Variants in THSD7B observed in about 807,000 individuals in gnomAD.
THSD7B encodes the protein thrombospondin type-1 domain-containing protein 7B.
A neutral mutation model predicts 213.6 loss-of-function variants in THSD7B; 138 were observed. The observed-to-expected ratio is 0.65, with a 90% CI of 0.56 to 0.74. THSD7B has a LOEUF of 0.74. THSD7B is among the 30% of genes least tolerant of loss of function. The probability of loss-of-function intolerance (pLI) is 0.00; values close to 1 mark genes in which losing one functional copy is unlikely to be tolerated. For synonymous variants in THSD7B, 742 were observed against 687.0 expected (o/e 1.08, Z -1.25); for missense variants, 1,931 against 1,991.5 (o/e 0.97, Z 0.58).
intron 12 of THSD7B, among the ~76,000 whole-genome samples, chr2:137,345,594 T>TGA (rs146683144): frequency 6.8e-6 from 1 of 146,872 alleles, no homozygotes; most frequent in Non-Finnish European, 1.5e-5. Context: ...AAACTAAGAG[T>TGA]GAGAGAGAGA....
chr2:137,673,744 A>G (rs1573781029), intron 27 of THSD7B, among the ~76,000 whole-genome samples: 1 of 152,132 alleles, frequency 6.6e-6, no homozygotes, highest in Non-Finnish European at 1.5e-5. Flanking sequence ...CTAAGCTGCT[A>G]TTCGGCAAAG....
intron 3 of THSD7B, among the ~76,000 whole-genome samples, chr2:137,066,171 T>G (rs1280042268): frequency 1.3e-5 from 2 of 151,152 alleles, no homozygotes; most frequent in East Asian, 1.9e-4. Flanking sequence ...ATGTAGAATT[T>G]AGGTTGATGA....
chr2:137,102,659 C>G (rs186824883), intron 4 of THSD7B, among the ~76,000 whole-genome samples: 1 of 152,232 alleles, frequency 6.6e-6, no homozygotes, highest in East Asian at 1.9e-4. Flanking sequence ...AGGAATCTCA[C>G]TAACTAGAAT....
chr2:136,922,428 T>C (rs963232787), intron 2 of THSD7B, among the ~76,000 whole-genome samples: 1 of 152,224 alleles, frequency 6.6e-6, no homozygotes, highest in Non-Finnish European at 1.5e-5. Flanking sequence ...AGGAGGTGTG[T>C]TTCATAAAAC....
chr2:137,024,934 A>G (rs957460976), intron 2 of THSD7B, among the ~76,000 whole-genome samples: 6 of 152,126 alleles, frequency 3.9e-5, no homozygotes, highest in African/African-American at 1.2e-4. Flanking sequence ...CTATCCTTCT[A>G]TGCCAGAGGG....
chr2:136,779,811 C>A (rs1681705824), intron 1 of THSD7B, among the ~76,000 whole-genome samples: 2 of 152,056 alleles, frequency 1.3e-5, no homozygotes, highest in South Asian at 4.1e-4. Context: ...CTACAATAAG[C>A]CTATGAAAAA....
At chr2:137,265,554 G>A (rs1214344939) in intron 10 of THSD7B, among the ~76,000 whole-genome samples, 1 of 152,140 alleles carries the variant, frequency 6.6e-6, no homozygotes, top group Non-Finnish European at 1.5e-5. Context: ...GCAAAGACTT[G>A]GAACCAACCC....
chr2:137,386,497 C>T (rs1398771498), intron 12 of THSD7B, among the ~76,000 whole-genome samples: 1 of 152,086 alleles, frequency 6.6e-6, no homozygotes, highest in Non-Finnish European at 1.5e-5. Context: ...AGAAAGTCAC[C>T]CCCATTTCCT....
At chr2:137,648,713 A>G (rs983278293) in intron 21 of THSD7B, among the ~76,000 whole-genome samples, 1 of 152,024 alleles carries the variant, frequency 6.6e-6, no homozygotes, top group Non-Finnish European at 1.5e-5. Flanking sequence ...TCTTCAATTT[A>G]TTGATCTCTT....
chr2:137,237,113 C>CAAAA (rs70978209), intron 9 of THSD7B, among the ~76,000 whole-genome samples: 12 of 109,544 alleles, frequency 1.1e-4, no homozygotes, highest in Non-Finnish European at 1.1e-4. Context: ...AACTCCGTCT[C>CAAAA]AAAAAAAAAA....
In THSD7B at chr2:137,101,441, A is replaced by C. The variant is rs191311653; in HGVS notation, c.1199+6320A>C. ...AACAGATTCTCTAAGGAAGCTTTTCAAAAATTGTTTAAGAAGCTTTTCTGC... is the reference window on the plus strand; with the variant it reads ...AACAGATTCTCTAAGGAAGCTTTTCCAAAATTGTTTAAGAAGCTTTTCTGC... On this transcript the variant is annotated intron_variant, in intron 4 of 27. Transcript: ENST00000409968. Among the ~76,000 whole-genome samples the C allele has an allele frequency of 1.2e-4, 19 of 152,356 alleles. 1 individual carries two copies. Among genetic ancestry groups the C allele is most frequent in the South Asian group, 8.3e-4 (4 of 4,832 alleles).
intron 15 of THSD7B, among the ~76,000 whole-genome samples, chr2:137,485,700 C>G (rs561210976): frequency 6.6e-6 from 1 of 152,264 alleles, no homozygotes; most frequent in South Asian, 2.1e-4. Context: ...TTGTCAGATT[C>G]ACCAAAGTTG....
chr2:137,667,799 TG>T lies in THSD7B; in HGVS notation c.4679del (p.Gly1560AlafsTer10). 6.2e-7 allele frequency: 1 copy of T among 1,606,680 alleles called. No individual in the cohort carries two copies. Among genetic ancestry groups the T allele is most frequent in the South Asian group, 1.1e-5 (1 of 89,536 alleles). On this transcript the variant is annotated frameshift_variant, in exon 27 of 28. Transcript: ENST00000409968. LOFTEE classifies it high-confidence loss of function. Reference sequence around the variant, plus strand: ...ATGGCCGAGTAAAAATTTGGGTTTATGGCGTTTCAGGTGGCGCTTTTCTCAT... The same window carrying T: ...ATGGCCGAGTAAAAATTTGGGTTTATGCGTTTCAGGTGGCGCTTTTCTCAT... ...PDGRVKIWVY[G>X]VSGGAFLIMI... is the part of the protein sequence containing the mutation.
chr2:137,491,532 C>T (rs553808796), intron 15 of THSD7B, among the ~76,000 whole-genome samples: 95 of 152,166 alleles, frequency 6.2e-4, no homozygotes, highest in African/African-American at 2.1e-3. Flanking sequence ...CTTTTACTCC[C>T]TTCATCTCAA....
At chr2:136,985,433 A>G (rs1685654377) in intron 2 of THSD7B, among the ~76,000 whole-genome samples, 1 of 152,174 alleles carries the variant, frequency 6.6e-6, no homozygotes, top group Non-Finnish European at 1.5e-5. Context: ...AGGGCCCCAG[A>G]TACTACTTAG....
chr2:137,525,820 A>T (rs1029493060), intron 15 of THSD7B, among the ~76,000 whole-genome samples: 1 of 152,152 alleles, frequency 6.6e-6, no homozygotes, highest in African/African-American at 2.4e-5. Context: ...GTAAGTGGCT[A>T]TGTAACCAAA....
At chr2:137,056,308 T>C in intron 2 of THSD7B, 112 bp from the exon 3 acceptor site, 2 of 1,113,080 alleles carry the variant, frequency 1.8e-6, no homozygotes, top group Non-Finnish European at 1.2e-6. Flanking sequence ...TCCACCAAAA[T>C]TCCTAATTTC....
intron 1 of THSD7B, among the ~76,000 whole-genome samples, chr2:136,861,393 G>A (rs767603811): frequency 1.3e-5 from 2 of 152,154 alleles, no homozygotes; most frequent in Admixed American, 6.5e-5. Context: ...GTGAGATTCC[G>A]TGTTGGGTGC....
intron 2 of THSD7B, among the ~76,000 whole-genome samples, chr2:137,029,077 G>A (rs1233243565): frequency 1.0e-5 from 1 of 98,250 alleles, no homozygotes; most frequent in Non-Finnish European, 2.0e-5. Flanking sequence ...GTCTTTGTAA[G>A]CTTTTTTTTT....
Sources: allele counts gnomAD v4.1 joint callset (sites outside exome capture counted in the v4.1 genomes callset), GRCh38; gene constraint gnomAD v4.1.1; transcripts MANE v1.5; gene names NCBI Gene and HGNC (gene_info 2026-07-23, HGNC 2026-07-21).